CDH23: variants seen among roughly 807,000 people sequenced by gnomAD.
The protein encoded by CDH23 is cadherin-23.
In CDH23, 189 loss-of-function variants were observed where a neutral mutation model predicts 317.1. The observed-to-expected ratio is 0.60, with a 90% CI of 0.53 to 0.67. CDH23 has a LOEUF of 0.67. CDH23 is among the 30% of genes least tolerant of loss of function. The probability of loss-of-function intolerance (pLI) is 0.00; values close to 1 mark genes in which losing one functional copy is unlikely to be tolerated. For synonymous variants in CDH23, 1,839 were observed against 1,876.8 expected (o/e 0.98, Z 0.52); for missense variants, 4,401 against 4,592.4 (o/e 0.96, Z 1.20).
chr10:71,706,349 CCTT>C (rs1416643782), intron 25 of CDH23, among the ~76,000 whole-genome samples: 4 of 152,194 alleles, frequency 2.6e-5, no homozygotes, highest in South Asian at 4.1e-4. Flanking sequence ...TGAGGGTAGA[CCTT>C]GAGGCTCCAG....
intron 44 of CDH23, among the ~76,000 whole-genome samples, chr10:71,788,734 C>T (rs1022342449): frequency 7.9e-5 from 12 of 152,350 alleles, no homozygotes; most frequent in Non-Finnish European, 1.3e-4. Context: ...GGATTACAGG[C>T]ATGAGCCACT....
intron 3 of CDH23, among the ~76,000 whole-genome samples, chr10:71,451,273 G>C (rs150150246): frequency 6.6e-6 from 1 of 152,080 alleles, no homozygotes; most frequent in Non-Finnish European, 1.5e-5. Context: ...CCTCACCCAC[G>C]CTGCGGCCTT....
At chr10:71,806,068 T>C (rs1050765152) in intron 56 of CDH23, 71 bp downstream of exon 56, 2 of 1,533,792 alleles carry the variant, frequency 1.3e-6, no homozygotes, top group Non-Finnish European at 1.8e-6. Flanking sequence ...GTCTTGCACC[T>C]CGCCTCCTGG....
intron 6 of CDH23, among the ~76,000 whole-genome samples, chr10:71,520,545 C>T (rs1049900196): frequency 1.3e-5 from 2 of 152,202 alleles, no homozygotes; most frequent in African/African-American, 2.4e-5. Flanking sequence ...ACCTATGAAA[C>T]GGAGCTCAGC....
At chr10:71,408,842 A>T (rs373920177) in intron 1 of CDH23, among the ~76,000 whole-genome samples, 17 of 152,226 alleles carry the variant, frequency 1.1e-4, no homozygotes, top group Middle Eastern at 3.4e-3. Flanking sequence ...GACATAGTTT[A>T]TCTGTTTTTC....
chr10:71,441,680 C>T (rs1177116896), intron 2 of CDH23, among the ~76,000 whole-genome samples: 1 of 151,776 alleles, frequency 6.6e-6, no homozygotes, highest in Non-Finnish European at 1.5e-5. Flanking sequence ...CGAGATTGTG[C>T]CATTGAATTC....
At chr10:71,642,236 T>C (rs1589289320) in intron 11 of CDH23, among the ~76,000 whole-genome samples, 1 of 152,002 alleles carries the variant, frequency 6.6e-6, no homozygotes, top group East Asian at 1.9e-4. Context: ...TTTGTTCTGG[T>C]AACTAACATT....
At position 71,793,320 on chromosome 10, in the gene CDH23, C is replaced by G. The variant is rs750127431; in HGVS notation, c.6392C>G (p.Thr2131Ser). Residue 2131 changes from threonine (T) to serine (S), a missense_variant, in exon 48 of 70, where the codon ACC becomes AGC. Transcript: ENST00000224721. ...GGGGTCATCCGTGTTGGTAATGCCA[C>G]CATCGACAGAGAGGAGCAGGAGTCC... is the stretch of plus-strand genomic sequence containing the variant. ...VTGVIRVGNATIDREEQESYR... is the reference protein window; with the variant it reads ...VTGVIRVGNASIDREEQESYR... 8 of 1,613,946 alleles carry G rather than the reference C, an allele frequency of 5.0e-6. No homozygotes were observed. In the East Asian group the frequency reaches 1.8e-4, roughly 36 times the overall value.
chr10:71,731,609 G>A (rs1397364876), intron 31 of CDH23, among the ~76,000 whole-genome samples: 1 of 152,162 alleles, frequency 6.6e-6, no homozygotes. Flanking sequence ...TTGGCCATCT[G>A]TGAGGATGCG....
chr10:71,644,441 C>G (rs1862730339), intron 12 of CDH23, among the ~76,000 whole-genome samples: 1 of 152,262 alleles, frequency 6.6e-6, no homozygotes, highest in African/African-American at 2.4e-5. Context: ...CCACAAGTGC[C>G]TTTGAGCATT....
intron 38 of CDH23, among the ~76,000 whole-genome samples, chr10:71,760,301 G>A (rs1311537976): frequency 6.1e-5 from 6 of 97,652 alleles, no homozygotes; most frequent in Admixed American, 1.1e-4. Flanking sequence ...GTATATATAT[G>A]TATATACACA....
chr10:71,537,012 C>G (rs7087879), intron 6 of CDH23, among the ~76,000 whole-genome samples: 5,964 of 152,172 alleles, frequency 0.039, 260 homozygotes, highest in African/African-American at 0.1. Context: ...CTGAAAGGCT[C>G]CATATTGCCT....
At chr10:71,436,456 A>G (rs1376682426) in intron 1 of CDH23, among the ~76,000 whole-genome samples, 4 of 152,202 alleles carry the variant, frequency 2.6e-5, no homozygotes, top group African/African-American at 7.2e-5. Flanking sequence ...GGGAGGGGCC[A>G]TGTCTTCCCC....
intron 9 of CDH23, among the ~76,000 whole-genome samples, chr10:71,605,831 T>C (rs946373548): frequency 1.3e-5 from 2 of 152,252 alleles, no homozygotes; most frequent in African/African-American, 4.8e-5. Flanking sequence ...AACATCCTGG[T>C]GACTGCATTT....
chr10:71,463,299 A>G (rs1851096180), intron 3 of CDH23, among the ~76,000 whole-genome samples: 1 of 152,224 alleles, frequency 6.6e-6, no homozygotes, highest in Non-Finnish European at 1.5e-5. Flanking sequence ...GTGAGATGGC[A>G]CATGACATGT....
chr10:71,563,090 T>G (rs1857213600), intron 6 of CDH23, among the ~76,000 whole-genome samples: 1 of 152,112 alleles, frequency 6.6e-6, no homozygotes, highest in South Asian at 2.1e-4. Context: ...GAGGCAGCTG[T>G]TGGTATCTCT....
At chr10:71,550,570 AAAAAAAAG>A (rs1222952851) in intron 6 of CDH23, among the ~76,000 whole-genome samples, 15 of 113,124 alleles carry the variant, frequency 1.3e-4, no homozygotes, top group East Asian at 6.3e-4. Flanking sequence ...AAAAAAAAAA[AAAAAAAAG>A]AAAAAAGAAA....
intron 3 of CDH23, among the ~76,000 whole-genome samples, chr10:71,454,700 G>A (rs1850602595): frequency 1.3e-5 from 2 of 152,286 alleles, no homozygotes; most frequent in South Asian, 2.1e-4. Flanking sequence ...TCCAAAAAGA[G>A]GAGGGGTGGA....
At chr10:71,807,449 G>A in intron 58 of CDH23, 43 bp downstream of exon 58, 1 of 1,612,800 alleles carries the variant, frequency 6.2e-7, no homozygotes, top group Non-Finnish European at 8.5e-7. Context: ...CCTGGGGCTA[G>A]AGATGACCCA....
Sources: allele counts gnomAD v4.1 joint callset (sites outside exome capture counted in the v4.1 genomes callset), GRCh38; gene constraint gnomAD v4.1.1; transcripts MANE v1.5; gene names NCBI Gene and HGNC (gene_info 2026-07-23, HGNC 2026-07-21).